MTDH: variants seen among roughly 807,000 people sequenced by gnomAD.
MTDH encodes the protein metadherin, also known as protein LYRIC.
A neutral mutation model predicts 72.7 loss-of-function variants in MTDH; 34 were observed. The ratio of observed to expected loss-of-function variants is 0.47; its 90% CI spans 0.36 to 0.62. The LOEUF (loss-of-function observed/expected upper bound fraction) is 0.62. Ranked by LOEUF, MTDH falls within the 20% of genes least tolerant of loss-of-function variation. MTDH has a pLI of 0.00. For missense variants in MTDH, 677 were observed against 699.4 expected (o/e 0.97, Z 0.36); for synonymous variants, 266 against 268.9 (o/e 0.99, Z 0.10).
In MTDH at chr8:97,644,218, G is replaced by A. The variant is rs1440068641; in HGVS notation, c.-289G>A. The A allele has an allele frequency of 1.1e-5, 5 of 458,188 alleles. No homozygotes were observed. The highest frequency in any genetic ancestry group is 3.2e-5 in the South Asian group (1 of 31,306). The allele number at this position is 458,188 out of a possible 1,614,324, so 28.4% of individuals were successfully genotyped here. A position where few individuals can be genotyped will look rare whatever the true frequency, so the allele number is the denominator to read the frequency against. ...TTGTTCCGCCGAGGGAGGACAGCGG[G>A]GCCTGGCGCTGGCGCCGAGACGCCG... On this transcript the variant is annotated 5_prime_UTR_variant, in exon 1 of 12. Coordinates refer to ENST00000336273, the MANE Select transcript of MTDH (RefSeq NM_178812.4).
At chr8:97,685,510 G>A (rs1271550588) in intron 2 of MTDH, among the ~76,000 whole-genome samples, 1 of 151,948 alleles carries the variant, frequency 6.6e-6, no homozygotes, top group African/African-American at 2.4e-5. Context: ...AAGATAGTGT[G>A]CAGTACTTTG....
At chr8:97,682,384 C>T (rs768738254) in intron 2 of MTDH, among the ~76,000 whole-genome samples, 2 of 140,864 alleles carry the variant, frequency 1.4e-5, no homozygotes, top group Admixed American at 7.2e-5. Flanking sequence ...CTGCAACCTC[C>T]GCCTCCCAGG....
chr8:97,650,855 G>A (rs897564370), intron 1 of MTDH, among the ~76,000 whole-genome samples: 1 of 151,992 alleles, frequency 6.6e-6, no homozygotes, highest in Admixed American at 6.6e-5. Flanking sequence ...TCAGCCTCCC[G>A]ACTACCTGGG....
At chr8:97,661,371 C>G (rs981434628) in intron 2 of MTDH, among the ~76,000 whole-genome samples, 198 bp downstream of exon 2, 3 of 151,942 alleles carry the variant, frequency 2.0e-5, no homozygotes, top group Non-Finnish European at 4.4e-5. Context: ...GTTGCATCAC[C>G]AAATATTTTA....
intron 2 of MTDH, among the ~76,000 whole-genome samples, chr8:97,661,759 A>G (rs1332227499): frequency 2.6e-5 from 4 of 152,114 alleles, no homozygotes; most frequent in Non-Finnish European, 5.9e-5. Context: ...CCTGGGCAAC[A>G]TGGCGAAATT....
intron 2 of MTDH, among the ~76,000 whole-genome samples, chr8:97,664,757 C>T (rs1394200219): frequency 6.7e-6 from 1 of 149,874 alleles, no homozygotes; most frequent in East Asian, 1.9e-4. Context: ...TTCCTTCTTT[C>T]CTTTCTTTTT....
At chr8:97,657,668 T>A (rs1176106660) in intron 1 of MTDH, among the ~76,000 whole-genome samples, 1 of 152,034 alleles carries the variant, frequency 6.6e-6, no homozygotes, top group Non-Finnish European at 1.5e-5. Context: ...CACACCCGGC[T>A]ATTTTTTTAA....
At chr8:97,667,104 C>T (rs1812423787) in intron 2 of MTDH, among the ~76,000 whole-genome samples, 1 of 152,208 alleles carries the variant, frequency 6.6e-6, no homozygotes, top group South Asian at 2.1e-4. Context: ...AATCCTTCTA[C>T]CTCAGCCTCC....
Position 97,644,492 on chromosome 8 carries a change from C to G in MTDH, c.-15C>G. 1.3e-6 allele frequency: 2 copies of G among 1,561,180 alleles called. No individual in the cohort carries two copies. The highest frequency in any genetic ancestry group is 1.7e-6 in the Non-Finnish European group (2 of 1,161,662). ...CCCCGGCGTCATCCTGCGAGTCCCTCTGACGGGAGGGAAGATGGCTGCACG... is the reference window on the plus strand; with the variant it reads ...CCCCGGCGTCATCCTGCGAGTCCCTGTGACGGGAGGGAAGATGGCTGCACG... On this transcript the variant is annotated 5_prime_UTR_variant, in exon 1 of 12. Coordinates refer to ENST00000336273, the MANE Select transcript of MTDH (RefSeq NM_178812.4).
Position 97,728,640 on chromosome 8 carries a change from A to G in MTDH, c.*3970A>G, listed in dbSNP as rs2131104556. On this transcript the variant is annotated 3_prime_UTR_variant, in exon 12 of 12. Transcript: ENST00000336273. ...TGTACAAGATAGAAGTTTGCTTCTC[A>G]GCTGGGCATGGTGGCTCATGCCTGT... The G allele has an allele frequency of 6.6e-6, 1 of 151,974 alleles. No homozygotes were observed. Among genetic ancestry groups the G allele is most frequent in the South Asian group, 2.1e-4 (1 of 4,806 alleles). The allele number at this position is 151,974 out of a possible 1,614,324, so 9.4% of individuals were successfully genotyped here.
At chr8:97,701,178 GGTGAACATGAAAGCTCT>G (rs1025595590) in intron 7 of MTDH, among the ~76,000 whole-genome samples, 5 of 152,022 alleles carry the variant, frequency 3.3e-5, no homozygotes, top group African/African-American at 1.2e-4. Context: ...TGAGATAATG[GGTGAACATGAAAGCTCT>G]GTAAATTACA....
rs776225655 is a variant in MTDH at position 97,666,690 on chromosome 8, CATT to C, written c.483+5520_483+5522del. 2.0e-5 allele frequency among the ~76,000 whole-genome samples: 3 copies of C among 152,222 alleles called. No individual in the cohort carries two copies. In the East Asian group the frequency reaches 5.8e-4, roughly 29 times the overall value. ...AAGGCAGTGGAACCAAACTTCCACTCATTATATTCTTGTTTTGTTTTGTTTTTG... is the reference window on the plus strand; with the variant it reads ...AAGGCAGTGGAACCAAACTTCCACTCATATTCTTGTTTTGTTTTGTTTTTG... On this transcript the variant is annotated intron_variant, in intron 2 of 11. Coordinates refer to ENST00000336273, the MANE Select transcript of MTDH (RefSeq NM_178812.4).
chr8:97,656,415 C>T (rs1343551774), intron 1 of MTDH, among the ~76,000 whole-genome samples: 1 of 150,782 alleles, frequency 6.6e-6, no homozygotes, highest in Non-Finnish European at 1.5e-5. Context: ...AGTGCTTCTC[C>T]TGCCTCAGCC....
chr8:97,686,815 T>C (rs1459751837), intron 3 of MTDH, 63 bp downstream of exon 3: 1 of 1,125,932 alleles, frequency 8.9e-7, no homozygotes, highest in East Asian at 2.6e-5. Flanking sequence ...AAGTGTATTA[T>C]ATAAAAGCTG....
In MTDH at chr8:97,725,121, T is replaced by C. The variant is rs1815305223; in HGVS notation, c.*451T>C. On this transcript the variant is annotated 3_prime_UTR_variant, in exon 12 of 12. Coordinates refer to ENST00000336273, the MANE Select transcript of MTDH (RefSeq NM_178812.4). ...CTTAAATCAAAGTGCTTTGATCAAA[T>C]GCATAACCTGCCATATCTTTACATA... The C allele has an allele frequency of 6.5e-6, 1 of 152,752 alleles. No individual in the cohort carries two copies. Among genetic ancestry groups the C allele is most frequent in the Non-Finnish European group, 1.5e-5 (1 of 68,092 alleles). The allele number at this position is 152,752 out of a possible 1,614,324, so 9.5% of individuals were successfully genotyped here.
At chr8:97,703,228 G>A (rs1056374480) in intron 7 of MTDH, among the ~76,000 whole-genome samples, 1 of 152,094 alleles carries the variant, frequency 6.6e-6, no homozygotes, top group Non-Finnish European at 1.5e-5. Context: ...GGCGTGGTTC[G>A]CATGCCTGTA....
In MTDH at chr8:97,687,711, C is replaced by CA. The variant is rs1043109666; in HGVS notation, c.745+107dup. 3.0e-6 allele frequency: 3 copies of CA among 993,462 alleles called. No homozygotes were observed. In the African/African-American group the frequency reaches 5.0e-5, roughly 17 times the overall value. The allele number at this position is 993,462 out of a possible 1,614,324, so 61.5% of individuals were successfully genotyped here. A position where few individuals can be genotyped will look rare whatever the true frequency, so the allele number is the denominator to read the frequency against. On this transcript the variant is annotated intron_variant, in intron 4 of 11. Coordinates refer to ENST00000336273, the MANE Select transcript of MTDH (RefSeq NM_178812.4). ...ATCTGACTATTTTGAATGCTAACATCATTGTGCTGATATACCCTTCTTCAT... is the reference window on the plus strand; with the variant it reads ...ATCTGACTATTTTGAATGCTAACATCAATTGTGCTGATATACCCTTCTTCAT...
At chr8:97,659,100 G>A (rs1242366834) in intron 1 of MTDH, among the ~76,000 whole-genome samples, 1 of 151,340 alleles carries the variant, frequency 6.6e-6, no homozygotes, top group Non-Finnish European at 1.5e-5. Context: ...CTGAGATTGC[G>A]CCACTGCACT....
rs772041498 is a variant in MTDH at position 97,684,258 on chromosome 8, TTA to T, written c.484-2406_484-2405del. ...ATACTATCTTATTGTGTTGCTTTTTTTATATGAGTTCCATGTTGAAATGACAG... is the reference window on the plus strand; with the variant it reads ...ATACTATCTTATTGTGTTGCTTTTTTTATGAGTTCCATGTTGAAATGACAG... On this transcript the variant is annotated intron_variant, in intron 2 of 11. Transcript: ENST00000336273. Among the ~76,000 whole-genome samples, 8 of 152,200 alleles carry T rather than the reference TTA, an allele frequency of 5.3e-5. No individual in the cohort carries two copies. The East Asian group carries it at 5.8e-4, about 11-fold the overall frequency.
Sources: allele counts gnomAD v4.1 joint callset (sites outside exome capture counted in the v4.1 genomes callset), GRCh38; gene constraint gnomAD v4.1.1; transcripts MANE v1.5; gene names NCBI Gene and HGNC (gene_info 2026-07-23, HGNC 2026-07-21).